Variants in PDE1A observed in about 807,000 individuals in gnomAD.
PDE1A encodes the protein dual specificity calcium/calmodulin-dependent 3',5'-cyclic nucleotide phosphodiesterase 1A.
In PDE1A, 35 loss-of-function variants were observed where a neutral mutation model predicts 61.7. That is an observed-to-expected ratio of 0.57 (90% CI 0.43 to 0.75). The LOEUF (loss-of-function observed/expected upper bound fraction) is 0.75, where lower values mean the gene tolerates loss of function less well. Ranked by LOEUF, PDE1A falls within the 30% of genes least tolerant of loss-of-function variation. The pLI is 0.00. For missense variants in PDE1A, 597 were observed against 630.6 expected, an observed-to-expected ratio of 0.95 and a Z score of 0.57; for synonymous variants, 232 against 213.2, an observed-to-expected ratio of 1.09 and a Z score of -0.77.
chr2:182,499,173 G>GTTTTTTTTTTTTTT (rs545033513), intron 2 of PDE1A, among the ~76,000 whole-genome samples: 1 of 77,306 alleles, frequency 1.3e-5, no homozygotes, highest in Non-Finnish European at 2.3e-5. Context: ...TCTTTTTCTT[G>GTTTTTTTTTTTTTT]TTTTTTTTTT....
intron 2 of PDE1A, among the ~76,000 whole-genome samples, chr2:182,493,091 G>T (rs1343742530): frequency 6.6e-6 from 1 of 151,844 alleles, no homozygotes; most frequent in African/African-American, 2.4e-5. Context: ...ACAGCTGTAA[G>T]ACCCCAAACA....
the PDE1A span, chr2:182,716,289 A>C: frequency 6.6e-6 from 1 of 152,212 alleles, no homozygotes; most frequent in Non-Finnish European, 1.5e-5. Flanking sequence ...CGCGTGAGGA[A>C]CCTACCGGTA....
At chr2:182,550,701 A>T in the PDE1A span, among the ~76,000 whole-genome samples, 1 of 152,130 alleles carries the variant, frequency 6.6e-6, no homozygotes, top group Non-Finnish European at 1.5e-5. Context: ...AGGATTCTAT[A>T]CCTCTGTGCC....
intron 1 of PDE1A, among the ~76,000 whole-genome samples, chr2:182,369,810 G>A (rs1409926573): frequency 6.6e-6 from 1 of 152,200 alleles, no homozygotes; most frequent in Non-Finnish European, 1.5e-5. Flanking sequence ...AAAACCAAGT[G>A]TAGTGCAAAT....
chr2:182,315,301 T>C (rs1350704719), intron 1 of PDE1A, among the ~76,000 whole-genome samples: 3 of 152,348 alleles, frequency 2.0e-5, no homozygotes, highest in East Asian at 3.9e-4. Context: ...CATTTATCCA[T>C]TCATTCTTCA....
At chr2:182,355,415 A>T (rs2125127977) in intron 1 of PDE1A, among the ~76,000 whole-genome samples, 1 of 152,014 alleles carries the variant, frequency 6.6e-6, no homozygotes, top group Non-Finnish European at 1.5e-5. Context: ...TAAAAATTTT[A>T]AATTTTAAAA....
At chr2:182,658,641 G>A in the PDE1A span, among the ~76,000 whole-genome samples, 1 of 152,128 alleles carries the variant, frequency 6.6e-6, no homozygotes, top group Non-Finnish European at 1.5e-5. Flanking sequence ...TTGAAGGAGT[G>A]GTACTCTATT....
At chr2:182,508,750 T>A (rs1026360507) in intron 2 of PDE1A, among the ~76,000 whole-genome samples, 3 of 149,862 alleles carry the variant, frequency 2.0e-5, no homozygotes. Context: ...ATTTTTTTTT[T>A]ATTTTTATTT....
rs371287236 is a variant in PDE1A at position 182,314,519 on chromosome 2, G to A, written c.54-50105C>T. ...GTGAATAGCCATTGCACTCCAGCCT[G>A]GGAAACGTAGTGAGACCCTGCTTCT... On this transcript the variant is annotated intron_variant, in intron 1 of 13. Transcript: ENST00000351439. 4.6e-5 allele frequency: 7 copies of A among 152,200 alleles called. No homozygotes were observed. The South Asian group carries it at 8.3e-4, about 18-fold the overall frequency. The allele number at this position is 152,200 out of a possible 1,614,324, so 9.4% of individuals were successfully genotyped here. A position where few individuals can be genotyped will look rare whatever the true frequency, so the allele number is the denominator to read the frequency against.
chr2:182,188,568 A>G (rs1574621044), intron 11 of PDE1A, among the ~76,000 whole-genome samples: 2 of 152,178 alleles, frequency 1.3e-5, no homozygotes, highest in African/African-American at 4.8e-5. Flanking sequence ...ATTTTTCCAA[A>G]TGAAATGTGC....
At chr2:182,613,738 AT>A in the PDE1A span, among the ~76,000 whole-genome samples, 1 of 152,166 alleles carries the variant, frequency 6.6e-6, no homozygotes, top group Non-Finnish European at 1.5e-5. Flanking sequence ...TTCAACACTT[AT>A]TAGCTGTTCA....
chr2:182,469,453 G>T (rs996590696), intron 2 of PDE1A, among the ~76,000 whole-genome samples: 6 of 151,926 alleles, frequency 3.9e-5, no homozygotes, highest in African/African-American at 1.4e-4. Context: ...TAGAATTGAA[G>T]AGGATTAGGG....
the PDE1A span, among the ~76,000 whole-genome samples, chr2:182,619,313 A>T: frequency 0.013 from 2,017 of 152,148 alleles, 30 homozygotes; most frequent in African/African-American, 0.045. Context: ...TGTAAAATTT[A>T]AAAACCTGAG....
intron 2 of PDE1A, among the ~76,000 whole-genome samples, chr2:182,443,649 T>A (rs1684938639): frequency 6.6e-6 from 1 of 151,782 alleles, no homozygotes; most frequent in South Asian, 2.1e-4. Flanking sequence ...ATGCTTCCTC[T>A]ACAGCCTGTG....
chr2:182,505,438 A>G (rs1689345095), intron 2 of PDE1A, among the ~76,000 whole-genome samples: 1 of 152,216 alleles, frequency 6.6e-6, no homozygotes, highest in African/African-American at 2.4e-5. Flanking sequence ...ATACCAAAAA[A>G]GTAATTTACA....
chr2:182,240,893 G>GA (rs376970495), intron 2 of PDE1A, among the ~76,000 whole-genome samples: 188 of 147,350 alleles, frequency 1.3e-3, no homozygotes, highest in East Asian at 1.6e-3. Context: ...TTTTAAAAGT[G>GA]AAAAAAAAAA....
chr2:182,595,995 T>G, the PDE1A span, among the ~76,000 whole-genome samples: 1 of 152,056 alleles, frequency 6.6e-6, no homozygotes, highest in Non-Finnish European at 1.5e-5. Context: ...TTTAAAGGAG[T>G]AACTTAAAGT....
the PDE1A span, among the ~76,000 whole-genome samples, chr2:182,648,321 G>A: frequency 2.0e-5 from 3 of 151,690 alleles, no homozygotes; most frequent in African/African-American, 7.3e-5. Context: ...TGATTCAGAC[G>A]AGCAGAACAA....
the PDE1A span, among the ~76,000 whole-genome samples, chr2:182,686,846 C>T: frequency 6.6e-6 from 1 of 152,240 alleles, no homozygotes; most frequent in Admixed American, 6.5e-5. Flanking sequence ...CTGCGCTTTT[C>T]CAATGGTCTT....
Sources: allele counts gnomAD v4.1 joint callset (sites outside exome capture counted in the v4.1 genomes callset), GRCh38; gene constraint gnomAD v4.1.1; transcripts MANE v1.5; gene names NCBI Gene and HGNC (gene_info 2026-07-23, HGNC 2026-07-21).